The following CLSTN2 variants were observed in gnomAD, a reference collection of about 807,000 sequenced individuals.
CLSTN2 encodes calsyntenin-2.
Under a neutral mutation model 101.2 loss-of-function variants are expected in CLSTN2, and 48 were observed. That is an observed-to-expected ratio of 0.47 (90% CI 0.38 to 0.60). The LOEUF (loss-of-function observed/expected upper bound fraction) is 0.60. Among genes scored for constraint, CLSTN2 ranks in the 20% least tolerant of loss-of-function variants. The probability of loss-of-function intolerance (pLI) is 0.00; values close to 1 mark genes in which losing one functional copy is unlikely to be tolerated. For synonymous variants in CLSTN2, 481 were observed against 463.6 expected (o/e 1.04, Z -0.48); for missense variants, 1,160 against 1,238.2 (o/e 0.94, Z 0.95).
intron 1 of CLSTN2, among the ~76,000 whole-genome samples, chr3:140,084,173 G>T (rs933475462): frequency 1.3e-5 from 2 of 152,122 alleles, no homozygotes; most frequent in African/African-American, 4.8e-5. Flanking sequence ...TTTCAAATGG[G>T]ATGCATGTAC....
intron 2 of CLSTN2, among the ~76,000 whole-genome samples, chr3:140,237,703 G>C (rs993162745): frequency 6.6e-6 from 1 of 151,970 alleles, no homozygotes; most frequent in African/African-American, 2.4e-5. Context: ...ATTATTTTTT[G>C]CTACCTGTTG....
chr3:140,110,825 G>T (rs2009142983), intron 1 of CLSTN2, among the ~76,000 whole-genome samples: 3 of 152,144 alleles, frequency 2.0e-5, no homozygotes, highest in African/African-American at 4.8e-5. Context: ...CTGGAGGAGG[G>T]CTGTTGGCTT....
intron 5 of CLSTN2, among the ~76,000 whole-genome samples, chr3:140,445,238 C>A (rs1933050000): frequency 6.6e-6 from 1 of 152,192 alleles, no homozygotes; most frequent in Non-Finnish European, 1.5e-5. Context: ...ATTGTGCTTC[C>A]TGGCTTTTCC....
chr3:140,029,006 A>AAGC (rs780604473), intron 1 of CLSTN2, among the ~76,000 whole-genome samples: 3 of 152,316 alleles, frequency 2.0e-5, no homozygotes, highest in Non-Finnish European at 4.4e-5. Context: ...TTCCATTTGG[A>AAGC]AGCAGCACTG....
intron 2 of CLSTN2, among the ~76,000 whole-genome samples, chr3:140,388,336 C>A (rs958668997): frequency 6.6e-5 from 10 of 152,206 alleles, no homozygotes; most frequent in Admixed American, 3.3e-4. Context: ...GAGAGCATGG[C>A]ACCTTTGATG....
rs144472397 is a variant in CLSTN2, at chr3:140,151,494, G to A, written c.110-24457G>A. Among the ~76,000 whole-genome samples the A allele has an allele frequency of 2.3e-3, 349 of 152,172 alleles. 1 individual carries two copies. The highest frequency in any genetic ancestry group is 7.9e-3 in the African/African-American group (330 of 41,520). Reference sequence around the variant, plus strand: ...AACAGCCTGTGAACCAGGCTAAGAAGTGGGATCTTTATACACGGGGTGACG... The same window carrying A: ...AACAGCCTGTGAACCAGGCTAAGAAATGGGATCTTTATACACGGGGTGACG... On this transcript the variant is annotated intron_variant, in intron 1 of 16. Transcript: ENST00000458420.
intron 1 of CLSTN2, among the ~76,000 whole-genome samples, chr3:140,135,107 CACACACACACAT>C (rs1472382803): frequency 9.5e-4 from 50 of 52,462 alleles, no homozygotes; most frequent in African/African-American, 4.5e-3. Context: ...CACACACACA[CACACACACACAT>C]ATATATATAT....
At chr3:140,510,881 A>G (rs1399319440) in intron 8 of CLSTN2, among the ~76,000 whole-genome samples, 1 of 152,176 alleles carries the variant, frequency 6.6e-6, no homozygotes, top group African/African-American at 2.4e-5. Flanking sequence ...TCAGGGGTAC[A>G]TGTGTAGGAT....
rs750088450 is a variant in CLSTN2 at position 140,311,287 on chromosome 3, C to CTTTTTTTTTTTTTTTTTTTTT, written c.233-92326_233-92306dup. Among the ~76,000 whole-genome samples the CTTTTTTTTTTTTTTTTTTTTT allele has an allele frequency of 7.7e-5, 4 of 52,064 alleles. 2 individuals are homozygous for CTTTTTTTTTTTTTTTTTTTTT. The highest frequency in any genetic ancestry group is 3.8e-4 in the African/African-American group (4 of 10,602). The allele number at this position is 52,064 out of a possible 152,430, so 34.2% of individuals were successfully genotyped here. ...ATAATAACAGCTAAGGTTTATTATC[C>CTTTTTTTTTTTTTTTTTTTTT]TTTTTTTTTTTTTTTTTTTTTTTTT... On this transcript the variant is annotated intron_variant, in intron 2 of 16. Transcript: ENST00000458420.
chr3:140,033,480 C>T (rs2007596297), intron 1 of CLSTN2, among the ~76,000 whole-genome samples: 2 of 152,182 alleles, frequency 1.3e-5, no homozygotes. Context: ...ATGTCCTCCC[C>T]AGAGGCCATT....
chr3:140,120,385 A>G (rs900116811), intron 1 of CLSTN2, among the ~76,000 whole-genome samples: 3 of 152,178 alleles, frequency 2.0e-5, no homozygotes, highest in African/African-American at 4.8e-5. Flanking sequence ...CAGAGCTTCT[A>G]TGTCCTCCCT....
intron 1 of CLSTN2, among the ~76,000 whole-genome samples, chr3:140,063,622 A>G (rs2107773851): frequency 6.6e-6 from 1 of 152,288 alleles, no homozygotes; most frequent in African/African-American, 2.4e-5. Context: ...TATGTAAATG[A>G]TAATTTAAAA....
At chr3:140,270,989 G>A (rs2086737264) in intron 2 of CLSTN2, among the ~76,000 whole-genome samples, 1 of 152,134 alleles carries the variant, frequency 6.6e-6, no homozygotes, top group African/African-American at 2.4e-5. Flanking sequence ...TCTTGCAACA[G>A]AGTAATTTAA....
chr3:140,172,975 C>A (rs1165773788), intron 1 of CLSTN2, among the ~76,000 whole-genome samples: 2 of 152,116 alleles, frequency 1.3e-5, no homozygotes, highest in Non-Finnish European at 2.9e-5. Context: ...TTTCCCTAGC[C>A]CCTGCCAAAT....
intron 2 of CLSTN2, among the ~76,000 whole-genome samples, chr3:140,191,010 A>G (rs977563647): frequency 6.6e-6 from 1 of 152,144 alleles, no homozygotes; most frequent in Non-Finnish European, 1.5e-5. Flanking sequence ...AGGGGAAAGC[A>G]TATTCAGTCT....
intron 1 of CLSTN2, among the ~76,000 whole-genome samples, chr3:140,170,740 C>G (rs1385938578): frequency 6.6e-6 from 1 of 152,142 alleles, no homozygotes; most frequent in African/African-American, 2.4e-5. Flanking sequence ...GCCCAGCAAG[C>G]AGGGTGGTAA....
At chr3:140,359,751 T>A (rs1406034792) in intron 2 of CLSTN2, among the ~76,000 whole-genome samples, 1 of 152,102 alleles carries the variant, frequency 6.6e-6, no homozygotes, top group African/African-American at 2.4e-5. Context: ...CGTTGCTGAA[T>A]TATGAAAAGA....
chr3:140,133,217 A>G (rs1383034013), intron 1 of CLSTN2, among the ~76,000 whole-genome samples: 1 of 152,054 alleles, frequency 6.6e-6, no homozygotes, highest in Admixed American at 6.6e-5. Flanking sequence ...TTTCTTGTAA[A>G]CTAACAGAGC....
At chr3:140,437,697 T>A (rs1576567493) in intron 5 of CLSTN2, among the ~76,000 whole-genome samples, 1 of 152,238 alleles carries the variant, frequency 6.6e-6, no homozygotes, top group Non-Finnish European at 1.5e-5. Context: ...GCAAGACTTA[T>A]GAGCTCTGCA....
Sources: allele counts gnomAD v4.1 joint callset (sites outside exome capture counted in the v4.1 genomes callset), GRCh38; gene constraint gnomAD v4.1.1; transcripts MANE v1.5; gene names NCBI Gene and HGNC (gene_info 2026-07-23, HGNC 2026-07-21).